GALNTL6: variants seen among roughly 807,000 people sequenced by gnomAD.
The protein encoded by GALNTL6 is polypeptide N-acetylgalactosaminyltransferase like 6.
A neutral mutation model predicts 73.7 loss-of-function variants in GALNTL6; 46 were observed. That is an observed-to-expected ratio of 0.62 (90% confidence interval 0.49 to 0.80). The LOEUF (loss-of-function observed/expected upper bound fraction) is 0.80, where lower values mean the gene tolerates loss of function less well. Among genes scored for constraint, GALNTL6 ranks in the 30% least tolerant of loss-of-function variants. The probability of loss-of-function intolerance (pLI) is 0.00; values close to 1 mark genes in which losing one functional copy is unlikely to be tolerated. For synonymous variants in GALNTL6, 259 were observed against 263.7 expected (o/e 0.98, Z 0.17); for missense variants, 604 against 755.0 (o/e 0.80, Z 2.34).
intron 5 of GALNTL6, among the ~76,000 whole-genome samples, chr4:172,438,812 G>A (rs987474387): frequency 6.6e-6 from 1 of 151,546 alleles, no homozygotes; most frequent in African/African-American, 2.4e-5. Context: ...CATACTTCTC[G>A]ACTTACCCAC....
rs756041431 is a variant in GALNTL6 at position 173,021,530 on chromosome 4, C to G, written c.1543C>G (p.Arg515Gly). The change falls in exon 12 of 13, where the codon CGG becomes GGG. Residue 515 changes from arginine (R) to glycine (G), a missense_variant. Physicochemically the swap from Arg to Gly is moderately radical, Grantham distance 125 (BLOSUM62 -2). This residue lies in a region of GALNTL6 where 261 missense variants were observed against 296.5 expected (regional missense o/e 0.88). Transcript: ENST00000506823. ...DIRPGEPLHT[R>G]KFCFDAISHN... ...TCGACCCGGTGAGCCACTGCATACC[C>G]GGAAATTCTGCTTTGATGCGATCTC... 1.2e-6 allele frequency: 2 copies of G among 1,614,058 alleles called. No individual in the cohort carries two copies. Among genetic ancestry groups the G allele is most frequent in the Admixed American group, 3.3e-5 (2 of 60,012 alleles).
chr4:172,295,996 A>G (rs1739659175), intron 3 of GALNTL6, among the ~76,000 whole-genome samples: 1 of 152,124 alleles, frequency 6.6e-6, no homozygotes, highest in African/African-American at 2.4e-5. Context: ...AATAGATAGT[A>G]TCGATAGGGT....
At chr4:172,402,867 G>A (rs930005140) in intron 5 of GALNTL6, among the ~76,000 whole-genome samples, 6 of 151,984 alleles carry the variant, frequency 3.9e-5, no homozygotes, top group East Asian at 3.9e-4. Flanking sequence ...ACAGAAAAAC[G>A]AATGAATACA....
chr4:172,694,521 A>G (rs1733562223), intron 5 of GALNTL6, among the ~76,000 whole-genome samples: 1 of 152,196 alleles, frequency 6.6e-6, no homozygotes, highest in Non-Finnish European at 1.5e-5. Flanking sequence ...TATATATGCC[A>G]CATTGTCTTT....
intron 5 of GALNTL6, among the ~76,000 whole-genome samples, chr4:172,494,703 C>A (rs112432827): frequency 6.6e-6 from 1 of 152,146 alleles, no homozygotes; most frequent in Non-Finnish European, 1.5e-5. Flanking sequence ...AGAGCAAAAG[C>A]TGAAGAACTT....
At chr4:172,855,563 G>T (rs1173182648) in intron 7 of GALNTL6, among the ~76,000 whole-genome samples, 1 of 152,146 alleles carries the variant, frequency 6.6e-6, no homozygotes. Flanking sequence ...AGAGCTCATT[G>T]GAACTTCTGA....
At chr4:172,193,445 T>C (rs549327855) in intron 2 of GALNTL6, among the ~76,000 whole-genome samples, 38 of 152,216 alleles carry the variant, frequency 2.5e-4, no homozygotes, top group Non-Finnish European at 4.4e-4. Flanking sequence ...AGAAGGGCCT[T>C]ACTGTTAAAA....
intron 5 of GALNTL6, among the ~76,000 whole-genome samples, chr4:172,393,082 C>T (rs1383391895): frequency 6.6e-6 from 1 of 152,142 alleles, no homozygotes; most frequent in African/African-American, 2.4e-5. Flanking sequence ...GCCTGATGAT[C>T]TGAGGTGGAA....
chr4:172,377,899 G>T (rs543529713), intron 5 of GALNTL6, among the ~76,000 whole-genome samples: 1 of 151,496 alleles, frequency 6.6e-6, no homozygotes, highest in East Asian at 2.0e-4. Flanking sequence ...CGCAGCACCA[G>T]ATCCCCCCCC....
chr4:172,274,050 C>T (rs1366490337), intron 3 of GALNTL6, among the ~76,000 whole-genome samples: 22 of 152,110 alleles, frequency 1.4e-4, no homozygotes, highest in Admixed American at 1.4e-3. Flanking sequence ...CCTATTTATA[C>T]TTTTGGTTTT....
At chr4:171,868,924 A>C (rs1449605685) in intron 2 of GALNTL6, among the ~76,000 whole-genome samples, 1 of 151,900 alleles carries the variant, frequency 6.6e-6, no homozygotes, top group Admixed American at 6.6e-5. Context: ...CAGGTGATCC[A>C]CCCTCCTCGG....
chr4:172,251,229 T>C (rs550880813), intron 3 of GALNTL6, among the ~76,000 whole-genome samples: 126 of 152,150 alleles, frequency 8.3e-4, no homozygotes, highest in African/African-American at 2.8e-3. Context: ...CCTTTTTGCA[T>C]AGGGAGGTTA....
chr4:172,043,831 G>A (rs1394143864), intron 2 of GALNTL6, among the ~76,000 whole-genome samples: 2 of 152,018 alleles, frequency 1.3e-5, no homozygotes, highest in Non-Finnish European at 2.9e-5. Flanking sequence ...ATGATTACAA[G>A]CAGGCCCTTA....
chr4:172,335,399 T>G (rs1741279333), intron 4 of GALNTL6, among the ~76,000 whole-genome samples: 1 of 152,206 alleles, frequency 6.6e-6, no homozygotes, highest in Non-Finnish European at 1.5e-5. Context: ...AGCCTGTAGT[T>G]GTCTTTATTC....
chr4:171,954,071 T>A (rs1387474676), intron 2 of GALNTL6, among the ~76,000 whole-genome samples: 1 of 152,160 alleles, frequency 6.6e-6, no homozygotes, highest in Non-Finnish European at 1.5e-5. Flanking sequence ...GAGGAGTGGT[T>A]TTCAAACTTC....
chr4:172,367,166 G>A (rs1349105833), intron 5 of GALNTL6, among the ~76,000 whole-genome samples: 1 of 152,150 alleles, frequency 6.6e-6, no homozygotes. Flanking sequence ...AAAGTAGTGG[G>A]GAGGGAGAGT....
At chr4:172,016,506 C>T (rs376147020) in intron 2 of GALNTL6, among the ~76,000 whole-genome samples, 20 of 151,826 alleles carry the variant, frequency 1.3e-4, no homozygotes, top group African/African-American at 3.9e-4. Flanking sequence ...AGTTGGTTTT[C>T]ACCTTTCTCT....
At position 173,009,120 on chromosome 4, in the gene GALNTL6, G is replaced by T. The variant is rs1437736967; in HGVS notation, c.1372-58G>T. 20 of 1,100,848 alleles carry T rather than the reference G, an allele frequency of 1.8e-5. No individual in the cohort carries two copies. The East Asian group carries it at 3.5e-4, about 19-fold the overall frequency. The allele number at this position is 1,100,848 out of a possible 1,614,324, so 68.2% of individuals were successfully genotyped here. A position where few individuals can be genotyped will look rare whatever the true frequency, so the allele number is the denominator to read the frequency against. On this transcript the variant is annotated intron_variant, in intron 10 of 12. Transcript: ENST00000506823. ...ACTTAATCTACACCATGGTTGTTAG[G>T]AGCCAATGATAAAATACGACATAGC...
chr4:171,978,253 A>T (rs922132135), intron 2 of GALNTL6, among the ~76,000 whole-genome samples: 6 of 130,014 alleles, frequency 4.6e-5, no homozygotes, highest in African/African-American at 2.6e-4. Flanking sequence ...TGTTATATAT[A>T]CTAACTATTA....
Sources: allele counts gnomAD v4.1 joint callset (sites outside exome capture counted in the v4.1 genomes callset), GRCh38; gene constraint gnomAD v4.1.1; regional missense constraint gnomAD v4.1.1; transcripts MANE v1.5; gene names NCBI Gene and HGNC (gene_info 2026-07-23, HGNC 2026-07-21).